The following ZNF304 variants were observed in gnomAD, a reference collection of about 807,000 sequenced individuals.
ZNF304 encodes KRAB-containing zinc finger protein.
Under a neutral mutation model 7.8 loss-of-function variants are expected in ZNF304, and 7 were observed. The observed-to-expected ratio is 0.90, with a 90% CI of 0.51 to 1.69. The LOEUF is 1.69. Ranked by LOEUF, ZNF304 falls within the 40% of genes most tolerant of loss-of-function variation. The pLI is 0.00. For synonymous variants in ZNF304, 280 were observed against 272.4 expected (o/e 1.03, Z -0.27); for missense variants, 669 against 804.8 (o/e 0.83, Z 2.04).
rs772138654 is a variant in ZNF304 at position 57,356,237 on chromosome 19, G to A, written c.368G>A (p.Arg123Lys). The change falls in exon 3 of 3, where the codon AGG becomes AAG. Residue 123 changes from arginine to lysine, a missense_variant. Coordinates refer to ENST00000282286, the MANE Select transcript of ZNF304 (RefSeq NM_020657.4). ...AAACTGTGCACACGTGGGCTGTGTA[G>A]GAGAAGATTCTCGTTCAGTGCAAAC... ...TQKLCTRGLC[R>K]RRFSFSANFY... The A allele has an allele frequency of 1.9e-6, 3 of 1,614,210 alleles. No homozygotes were observed. In the South Asian group the frequency reaches 3.3e-5, roughly 18 times the overall value.
intron 2 of ZNF304, among the ~76,000 whole-genome samples, chr19:57,354,389 A>G (rs143354561): frequency 6.6e-6 from 1 of 152,318 alleles, no homozygotes; most frequent in East Asian, 1.9e-4. Flanking sequence ...CTTACCTGAG[A>G]AGAATCCACT....
In ZNF304 at chr19:57,356,011, AG is replaced by A; in HGVS notation, c.161-18del. On this transcript the variant is annotated intron_variant, in intron 2 of 2. Coordinates refer to ENST00000282286, the MANE Select transcript of ZNF304 (RefSeq NM_020657.4). ...CACCAAAGTCAGCATGCACTTCACC[AG>A]CTCTTTTTTGCTTTCAGGTTTTTGG... 1 of 1,585,632 alleles carries A rather than the reference AG, an allele frequency of 6.3e-7. No individual in the cohort carries two copies. The highest frequency in any genetic ancestry group is 8.6e-7 in the Non-Finnish European group (1 of 1,163,302).
chr19:57,357,744 C>G lies in ZNF304; in HGVS notation c.1875C>G (p.Ser625Arg). ...GCAGCGAATGTGGGAAAGCCTATAG[C>G]AGAAGCTCCCATCTTGTTCGTCACC... ...YVCSECGKAY[S>R]RSSHLVRHQK... The change falls in exon 3 of 3, where the codon AGC (serine) becomes AGG (arginine). Residue 625 changes from serine to arginine, a missense_variant. Ser to Arg is a moderately radical substitution (Grantham distance 110). Coordinates refer to ENST00000282286, the MANE Select transcript of ZNF304 (RefSeq NM_020657.4). The G allele has an allele frequency of 1.2e-6, 2 of 1,614,246 alleles. No homozygotes were observed. Among genetic ancestry groups the G allele is most frequent in the Non-Finnish European group, 1.7e-6 (2 of 1,180,048 alleles).
chr19:57,351,293 G>T lies in ZNF304; in HGVS notation c.-372G>T. On this transcript the variant is annotated 5_prime_UTR_variant, in exon 1 of 3. Coordinates refer to ENST00000282286, the MANE Select transcript of ZNF304 (RefSeq NM_020657.4). The surrounding 1 kb of genome is among the most constrained non-coding windows in gnomAD (Gnocchi z 4.1). ...GACGTATTTTTCCTATGCCCGGTCC[G>T]TGCATTCTGGTTGTGAAGGCTGAGT... The T allele has an allele frequency of 3.8e-6, 1 of 261,852 alleles. No homozygotes were observed. Among genetic ancestry groups the T allele is most frequent in the Non-Finnish European group, 7.3e-6 (1 of 136,122 alleles). 16.2% of individuals were successfully genotyped at this position (261,852 alleles called of 1,614,324 possible). A position where few individuals can be genotyped will look rare whatever the true frequency, so the allele number is the denominator to read the frequency against.
chr19:57,353,755 T>G lies in ZNF304; in HGVS notation c.64T>G (p.Tyr22Asp). ...TGTGACCTTCGAGGATGTGTTCGTG[T>G]ACTTCTCTCGGGAGGAGTGGGAACT... ...SCVTFEDVFV[Y>D]FSREEWELLE... The change falls in exon 2 of 3, where the codon TAC becomes GAC. Residue 22 changes from tyrosine to aspartate, a missense_variant. Physicochemically the swap from Tyr to Asp is radical, Grantham distance 160. Coordinates refer to ENST00000282286, the MANE Select transcript of ZNF304 (RefSeq NM_020657.4). 2 of 1,613,516 alleles carry G rather than the reference T, an allele frequency of 1.2e-6. No individual in the cohort carries two copies. Among genetic ancestry groups the G allele is most frequent in the Non-Finnish European group, 1.7e-6 (2 of 1,179,680 alleles).
chr19:57,351,504 G>T lies in ZNF304; in HGVS notation c.-161G>T. ...CCGAGGCCTCCACACACGTCCTCTT[G>T]TCCTTGTCTCCCCCAGAAGCAGCCG... On this transcript the variant is annotated 5_prime_UTR_variant, in exon 1 of 3. Transcript: ENST00000282286. The surrounding 1 kb of genome is among the most constrained non-coding windows in gnomAD (Gnocchi z 4.1). 2 of 849,514 alleles carry T rather than the reference G, an allele frequency of 2.4e-6. No individual in the cohort carries two copies. The highest frequency in any genetic ancestry group is 1.9e-6 in the Non-Finnish European group (1 of 528,614). The allele number at this position is 849,514 out of a possible 1,614,324, so 52.6% of individuals were successfully genotyped here.
Position 57,357,444 on chromosome 19 carries a change from C to T in ZNF304, c.1575C>T (p.His525=), listed in dbSNP as rs771946839. Residue 525 remains histidine (H), a synonymous_variant, in exon 3 of 3, where the codon CAC becomes CAT. Coordinates refer to ENST00000282286, the MANE Select transcript of ZNF304 (RefSeq NM_020657.4). Reference sequence around the variant, plus strand: ...ACCTTATTGTACACCAGAGAATTCACACTGGAGCAAAGCCTTATGAGTGCA... The same window carrying T: ...ACCTTATTGTACACCAGAGAATTCATACTGGAGCAAAGCCTTATGAGTGCA... ...SSNLIVHQRI[H]TGAKPYECNE... is the part of the protein sequence containing the mutation. The T allele has an allele frequency of 6.2e-7, 1 of 1,614,150 alleles. No individual in the cohort carries two copies. Among genetic ancestry groups the T allele is most frequent in the Non-Finnish European group, 8.5e-7 (1 of 1,180,014 alleles).
Position 57,351,981 on chromosome 19 carries a change from G to A in ZNF304, c.33+284G>A, listed in dbSNP as rs986602583. 8.0e-5 allele frequency: 34 copies of A among 424,060 alleles called. No individual in the cohort carries two copies. Among genetic ancestry groups the A allele is most frequent in the Non-Finnish European group, 1.3e-4 (31 of 237,572 alleles). The allele number at this position is 424,060 out of a possible 1,614,324, so 26.3% of individuals were successfully genotyped here. A position where few individuals can be genotyped will look rare whatever the true frequency, so the allele number is the denominator to read the frequency against. On this transcript the variant is annotated intron_variant, in intron 1 of 2. Coordinates refer to ENST00000282286, the MANE Select transcript of ZNF304 (RefSeq NM_020657.4). This position sits in a 1 kb window ranked among gnomAD's most constrained non-coding sequence, Gnocchi z 4.1. ...GGTAGGCCTGGAATGGCCGCCCGAG[G>A]AGCTGGTCCTCTCTTCTGAGGGTGC...
chr19:57,357,132 C>T lies in ZNF304; in HGVS notation c.1263C>T (p.Cys421=). Residue 421 remains cysteine (C), a synonymous_variant, in exon 3 of 3, where the codon TGC becomes TGT. Transcript: ENST00000282286. ...RIHTGARPYE[C]IECGKFFSHN... is the part of the protein sequence containing the mutation. ...ATACCGGGGCAAGGCCCTATGAATG[C>T]ATAGAATGTGGAAAATTCTTTAGCC... is the stretch of plus-strand genomic sequence containing the variant. The T allele has an allele frequency of 6.2e-7, 1 of 1,613,126 alleles. No homozygotes were observed. The highest frequency in any genetic ancestry group is 8.5e-7 in the Non-Finnish European group (1 of 1,179,442).
chr19:57,354,991 A>G (rs2088317185), intron 2 of ZNF304, among the ~76,000 whole-genome samples: 1 of 152,062 alleles, frequency 6.6e-6, no homozygotes, highest in Non-Finnish European at 1.5e-5. Flanking sequence ...GGAGTTTTTC[A>G]GTCTGCTAAG....
rs1011308244 is a variant in ZNF304 at position 57,359,812 on chromosome 19, T to C, written c.*1963T>C. ...ATTTCATTGTATACCACAATTTTTC[T>C]TCTTTGTCAACTTAATTGTTATGGA... is the stretch of plus-strand genomic sequence containing the variant. On this transcript the variant is annotated 3_prime_UTR_variant, in exon 3 of 3. Transcript: ENST00000282286. The C allele has an allele frequency of 1.3e-5, 2 of 152,244 alleles. No individual in the cohort carries two copies. Among genetic ancestry groups the C allele is most frequent in the African/African-American group, 2.4e-5 (1 of 41,464 alleles). The allele number at this position is 152,244 out of a possible 1,614,324, so 9.4% of individuals were successfully genotyped here.
intron 1 of ZNF304, among the ~76,000 whole-genome samples, chr19:57,353,437 CAGG>C (rs2088299429): frequency 6.6e-6 from 1 of 152,124 alleles, no homozygotes; most frequent in African/African-American, 2.4e-5. Flanking sequence ...TGGACAACAC[CAGG>C]AGAACTGGTT....
At position 57,357,159 on chromosome 19, in the gene ZNF304, T is replaced by C; in HGVS notation, c.1290T>C (p.His430=). 6 of 1,613,982 alleles carry C rather than the reference T, an allele frequency of 3.7e-6. No individual in the cohort carries two copies. Among genetic ancestry groups the C allele is most frequent in the Non-Finnish European group, 3.4e-6 (4 of 1,180,006 alleles). ...ECIECGKFFS[H]NSSLIKHRRV... is the part of the protein sequence containing the mutation. ...TAGAATGTGGAAAATTCTTTAGCCA[T>C]AACTCTAGCCTCATTAAACATCGGA... Residue 430 remains histidine (H), a synonymous_variant, in exon 3 of 3, where the codon CAT becomes CAC. Coordinates refer to ENST00000282286, the MANE Select transcript of ZNF304 (RefSeq NM_020657.4).
Position 57,357,267 on chromosome 19 carries a change from G to A in ZNF304, c.1398G>A (p.Gln466=). 6.2e-7 allele frequency: 1 copy of A among 1,614,192 alleles called. No homozygotes were observed. Among genetic ancestry groups the A allele is most frequent in the Non-Finnish European group, 8.5e-7 (1 of 1,180,048 alleles). Residue 466 remains glutamine (Q), a synonymous_variant, in exon 3 of 3, where the codon CAG becomes CAA. Coordinates refer to ENST00000282286, the MANE Select transcript of ZNF304 (RefSeq NM_020657.4). ...GCAAAGACACACTTGTTCAGCACCAGATAATTCACACTGGAGCAAGGCCTT... is the reference window on the plus strand; with the variant it reads ...GCAAAGACACACTTGTTCAGCACCAAATAATTCACACTGGAGCAAGGCCTT... The part of the protein sequence containing the change: ...FGCKDTLVQH[Q]IIHTGARPYE...
Position 57,356,074 on chromosome 19 carries a change from G to A in ZNF304, c.205G>A (p.Val69Ile), listed in dbSNP as rs532255589. ...ACATGAGGCACCTTCTGAGCAGAGC[G>A]TTTCTGTAGAAGGAGTGTCACAGGT... Reference protein sequence around the residue: ...AEHEAPSEQSVSVEGVSQVRT... With the variant: ...AEHEAPSEQSISVEGVSQVRT... Residue 69 changes from valine (V) to isoleucine (I), a missense_variant, in exon 3 of 3, where the codon GTT becomes ATT. Val to Ile is a conservative substitution (Grantham distance 29, BLOSUM62 3). Coordinates refer to ENST00000282286, the MANE Select transcript of ZNF304 (RefSeq NM_020657.4). The A allele has an allele frequency of 7.4e-5, 119 of 1,614,046 alleles. No individual in the cohort carries two copies. The Middle Eastern group carries it at 9.9e-4, about 13-fold the overall frequency.
Position 57,356,163 on chromosome 19 carries a change from G to A in ZNF304, c.294G>A (p.Leu98=). ...CATGTGAGATGTGTGACCCACTCTT[G>A]AAAGACATTTTGCACCTGGCTGAAC... The part of the protein sequence containing the change: ...AHPCEMCDPL[L]KDILHLAEHQ... The change falls in exon 3 of 3, where the codon TTG becomes TTA. Residue 98 remains leucine, a synonymous_variant. Transcript: ENST00000282286. 1 of 1,614,230 alleles carries A rather than the reference G, an allele frequency of 6.2e-7. No homozygotes were observed. Among genetic ancestry groups the A allele is most frequent in the Non-Finnish European group, 8.5e-7 (1 of 1,180,048 alleles).
At chr19:57,353,625 G>T (rs905759412) in intron 1 of ZNF304, 100 bp from the exon 2 acceptor site, 3 of 1,457,880 alleles carry the variant, frequency 2.1e-6, no homozygotes, top group African/African-American at 2.8e-5. Flanking sequence ...GGCTGGGGAG[G>T]CGAGGGACTA....
intron 1 of ZNF304, 74 bp from the exon 2 acceptor site, chr19:57,353,651 A>T (rs867473040): frequency 6.6e-7 from 1 of 1,525,652 alleles, no homozygotes; most frequent in Middle Eastern, 1.8e-4. Context: ...TGGGTGTGTG[A>T]GTGTGTAGAC....
intron 2 of ZNF304, 145 bp downstream of exon 2, chr19:57,353,996 G>T: frequency 2.8e-6 from 2 of 714,984 alleles, no homozygotes; most frequent in South Asian, 2.7e-5. Flanking sequence ...TTATTTTGAG[G>T]GTTTTTTTTT....
Sources: gnomAD v4.1 joint callset for allele counts (sites outside exome capture counted in the v4.1 genomes callset) on GRCh38, gnomAD v4.1.1 for gene constraint, Gnocchi (gnomAD v3.1) non-coding constraint, MANE v1.5 for transcripts, NCBI Gene and HGNC (gene_info 2026-07-23, HGNC 2026-07-21) for gene names.